The following CSGALNACT1 variants were observed in gnomAD, a reference collection of about 807,000 sequenced individuals.
CSGALNACT1 encodes the protein beta4GalNAcT-1.
In CSGALNACT1, 52 loss-of-function variants were observed where a neutral mutation model predicts 51.0. That is an observed-to-expected ratio of 1.02 (90% confidence interval 0.82 to 1.29). The LOEUF is 1.29. CSGALNACT1 is among the 50% of genes most tolerant of loss of function. CSGALNACT1 has a pLI of 0.00. For missense variants in CSGALNACT1, 935 were observed against 679.2 expected (o/e 1.38, Z -4.19); for synonymous variants, 341 against 254.4 (o/e 1.34, Z -3.24).
chr8:19,564,441 G>T (rs967231957), intron 3 of CSGALNACT1, among the ~76,000 whole-genome samples: 6 of 150,874 alleles, frequency 4.0e-5, no homozygotes, highest in Non-Finnish European at 8.8e-5. Context: ...TATTTCTAAT[G>T]GGAAGCCCAG....
At chr8:19,728,674 T>G (rs1233274390) in intron 1 of CSGALNACT1, among the ~76,000 whole-genome samples, 1 of 152,200 alleles carries the variant, frequency 6.6e-6, no homozygotes, top group African/African-American at 2.4e-5. Context: ...AAAGTACTAT[T>G]CATTCAATGC....
At chr8:19,657,030 T>TCCAGC (rs1162767522) in intron 1 of CSGALNACT1, among the ~76,000 whole-genome samples, 1 of 142,854 alleles carries the variant, frequency 7.0e-6, no homozygotes, top group Non-Finnish European at 1.5e-5. Flanking sequence ...GCCACTGCAC[T>TCCAGC]CCAGCCCAGG....
chr8:19,653,136 TG>T (rs1406536212), intron 1 of CSGALNACT1, among the ~76,000 whole-genome samples: 1 of 152,174 alleles, frequency 6.6e-6, no homozygotes, highest in Non-Finnish European at 1.5e-5. Context: ...TCTCTCTTGA[TG>T]GAACCAGTAT....
intron 1 of CSGALNACT1, among the ~76,000 whole-genome samples, chr8:19,665,446 G>C (rs2059108161): frequency 7.1e-6 from 1 of 141,804 alleles, no homozygotes; most frequent in South Asian, 2.1e-4. Context: ...CCAAAACTCA[G>C]AAGGAGTAAG....
chr8:19,532,075 G>A (rs552332214), intron 3 of CSGALNACT1: 1 of 152,066 alleles, frequency 6.6e-6, no homozygotes, highest in African/African-American at 2.4e-5. Context: ...ATGGTGTACT[G>A]TAAATTCTAG....
In CSGALNACT1 at chr8:19,458,344, A is replaced by G. The variant is rs1157811641; in HGVS notation, c.851+82T>C. 3 of 1,128,144 alleles carry G rather than the reference A, an allele frequency of 2.7e-6. No individual in the cohort carries two copies. In the African/African-American group the frequency reaches 4.6e-5, roughly 17 times the overall value. The allele number at this position is 1,128,144 out of a possible 1,614,324, so 69.9% of individuals were successfully genotyped here. The stretch of plus-strand genomic sequence containing the variant: ...AGGAGGCTTTGTACTCGGCAGGGGA[A>G]ATGAAGGAGATGACGGGAAATGATA... On this transcript the variant is annotated intron_variant, in intron 5 of 9. Coordinates refer to ENST00000454498, the Ensembl canonical transcript of CSGALNACT1.
chr8:19,458,606 T>C (rs756840537), exon 5 of CSGALNACT1: 5 of 1,614,212 alleles, frequency 3.1e-6, no homozygotes, highest in East Asian at 2.2e-5. Flanking sequence ...GGTGAGCTCA[T>C]ACAATGTCCC....
intron 1 of CSGALNACT1, among the ~76,000 whole-genome samples, chr8:19,654,359 C>T (rs1057026480): frequency 6.6e-6 from 1 of 152,124 alleles, no homozygotes; most frequent in Non-Finnish European, 1.5e-5. Flanking sequence ...AATATCTGCC[C>T]AAATCCTACC....
chr8:19,463,980 G>A (rs2066114931), intron 4 of CSGALNACT1, among the ~76,000 whole-genome samples: 1 of 152,174 alleles, frequency 6.6e-6, no homozygotes, highest in African/African-American at 2.4e-5. Context: ...GTCTTCAACT[G>A]AGGACCTTGA....
intron 5 of CSGALNACT1, among the ~76,000 whole-genome samples, chr8:19,443,468 T>C (rs1490582624): frequency 1.3e-5 from 2 of 152,178 alleles, no homozygotes; most frequent in African/African-American, 2.4e-5. Context: ...AGAGGTTTAA[T>C]GGACTCACAG....
At chr8:19,452,849 A>G (rs1334557023) in intron 5 of CSGALNACT1, among the ~76,000 whole-genome samples, 1 of 152,174 alleles carries the variant, frequency 6.6e-6, no homozygotes, top group Non-Finnish European at 1.5e-5. Flanking sequence ...CCACAAGAAA[A>G]GGGAACTTCA....
At chr8:19,672,389 C>A (rs1318371298) in intron 1 of CSGALNACT1, among the ~76,000 whole-genome samples, 1 of 152,152 alleles carries the variant, frequency 6.6e-6, no homozygotes, top group African/African-American at 2.4e-5. Context: ...TTCCATACAG[C>A]CAGGGAGATG....
At chr8:19,694,909 G>C (rs2061509123) in intron 1 of CSGALNACT1, among the ~76,000 whole-genome samples, 1 of 152,168 alleles carries the variant, frequency 6.6e-6, no homozygotes, top group Admixed American at 6.5e-5. Flanking sequence ...TGCCTCTGCA[G>C]CAAAGATGGC....
At chr8:19,570,192 A>AT (rs1357586950) in intron 3 of CSGALNACT1, among the ~76,000 whole-genome samples, 3 of 152,028 alleles carry the variant, frequency 2.0e-5, no homozygotes, top group Non-Finnish European at 4.4e-5. Context: ...TATACTTAAG[A>AT]TTTTTGTACT....
intron 4 of CSGALNACT1, among the ~76,000 whole-genome samples, chr8:19,474,230 A>T (rs1449931985): frequency 6.6e-6 from 1 of 152,110 alleles, no homozygotes; most frequent in South Asian, 2.1e-4. Flanking sequence ...GAAAGAAACC[A>T]ACACTCCCAC....
chr8:19,538,659 G>A (rs987731178), intron 3 of CSGALNACT1, among the ~76,000 whole-genome samples: 3 of 152,102 alleles, frequency 2.0e-5, no homozygotes, highest in Non-Finnish European at 4.4e-5. Flanking sequence ...ACCGGGGGAG[G>A]TACAGGCTGG....
rs534007702 is a variant in CSGALNACT1 at position 19,648,514 on chromosome 8, T to G, written c.-544+33959A>C. Among the ~76,000 whole-genome samples, 3 of 152,308 alleles carry G rather than the reference T, an allele frequency of 2.0e-5. No individual in the cohort carries two copies. The South Asian group carries it at 6.2e-4, about 32-fold the overall frequency. Reference sequence around the variant, plus strand: ...AAGGCTTTTTATGAAATCCTAAGAATGGAAACAACCTGGCTCGACACTGTG... The same window carrying G: ...AAGGCTTTTTATGAAATCCTAAGAAGGGAAACAACCTGGCTCGACACTGTG... On this transcript the variant is annotated intron_variant, in intron 1 of 9. Coordinates refer to the CSGALNACT1 transcript ENST00000332246.
intron 6 of CSGALNACT1, among the ~76,000 whole-genome samples, chr8:19,424,080 A>G (rs1232824372): frequency 2.0e-5 from 3 of 152,178 alleles, no homozygotes; most frequent in Non-Finnish European, 2.9e-5. Flanking sequence ...GCCAGAAGGC[A>G]ACATTGCTGG....
chr8:19,506,532 G>A (rs1355025505), intron 3 of CSGALNACT1, among the ~76,000 whole-genome samples: 2 of 152,184 alleles, frequency 1.3e-5, no homozygotes, highest in Non-Finnish European at 2.9e-5. Flanking sequence ...GCCGGAGACT[G>A]TGCTGTGTTT....
Sources: gnomAD v4.1 joint callset for allele counts (sites outside exome capture counted in the v4.1 genomes callset) on GRCh38, gnomAD v4.1.1 for gene constraint, MANE v1.5 for transcripts, NCBI Gene and HGNC (gene_info 2026-07-23, HGNC 2026-07-21) for gene names.